NDRG1: variants seen among roughly 807,000 people sequenced by gnomAD.
NDRG1 encodes protein NDRG1.
NDRG1 carries 32 observed loss-of-function variants against 56.9 expected under a neutral mutation model. The ratio of observed to expected loss-of-function variants is 0.56; its 90% CI spans 0.42 to 0.76. The LOEUF (loss-of-function observed/expected upper bound fraction) is 0.76, where lower values mean the gene tolerates loss of function less well. Among genes scored for constraint, NDRG1 ranks in the 30% least tolerant of loss-of-function variants. The pLI is 0.00. For missense variants in NDRG1, 507 were observed against 545.7 expected, an observed-to-expected ratio of 0.93 and a Z score of 0.71; for synonymous variants, 211 against 204.1, an observed-to-expected ratio of 1.03 and a Z score of -0.29.
chr8:133,289,708 A>AG (rs1858324814), intron 1 of NDRG1, among the ~76,000 whole-genome samples: 1 of 152,188 alleles, frequency 6.6e-6, no homozygotes, highest in Admixed American at 6.5e-5. Flanking sequence ...CAGTGGGCAG[A>AG]GGCATCTTCA....
At chr8:133,271,244 C>A (rs1857172081) in intron 3 of NDRG1, among the ~76,000 whole-genome samples, 1 of 152,150 alleles carries the variant, frequency 6.6e-6, no homozygotes, top group Non-Finnish European at 1.5e-5. Context: ...CTCAGTCTAG[C>A]AAGTGGGGTC....
At chr8:133,259,113 T>C (rs556708645) in intron 6 of NDRG1, 55 bp downstream of exon 6, 3 of 1,574,150 alleles carry the variant, frequency 1.9e-6, no homozygotes, top group Admixed American at 3.3e-5. Context: ...GGCAGGAAGA[T>C]GCTAGAAACC....
chr8:133,265,051 T>TG, intron 3 of NDRG1: 2 of 298,676 alleles, frequency 6.7e-6, no homozygotes, highest in South Asian at 6.6e-5. Flanking sequence ...TCTGCTGGCT[T>TG]GGGGCTACAC....
intron 3 of NDRG1, among the ~76,000 whole-genome samples, chr8:133,275,989 C>G (rs1177017019): frequency 1.3e-5 from 2 of 152,240 alleles, no homozygotes; most frequent in African/African-American, 4.8e-5. Context: ...AGCACCTAAA[C>G]TAATGCCAGG....
rs1857927678 is a variant in NDRG1 at position 133,283,482 on chromosome 8, C to T, written c.63+767G>A. On this transcript the variant is annotated intron_variant, in intron 2 of 15. Transcript: ENST00000323851. ...TCATCTTCAGAACAATCAGCCCAGG[C>T]TGGGCCCTGCCAGCCCAGCCTATAG... Among the ~76,000 whole-genome samples, 4 of 147,980 alleles carry T rather than the reference C, an allele frequency of 2.7e-5. No homozygotes were observed. In the South Asian group the frequency reaches 8.3e-4, roughly 31 times the overall value.
intron 3 of NDRG1, among the ~76,000 whole-genome samples, chr8:133,267,032 A>ACCTCCC (rs1856955012): frequency 6.6e-6 from 1 of 151,670 alleles, no homozygotes; most frequent in South Asian, 2.1e-4. Flanking sequence ...AGAACTCACC[A>ACCTCCC]CCTCCCCCTC....
chr8:133,248,113 T>G (rs1564282792), intron 11 of NDRG1, among the ~76,000 whole-genome samples, 187 bp from the exon 12 acceptor site: 1 of 152,212 alleles, frequency 6.6e-6, no homozygotes, highest in Non-Finnish European at 1.5e-5. Context: ...ATTCACAACT[T>G]AGTATGAATT....
In NDRG1 at chr8:133,273,780, T is replaced by TTG. The variant is rs1191272135; in HGVS notation, c.99+6451_99+6452insCA. Reference sequence around the variant, plus strand: ...CCCTGAGACAATGAGTATGCAAATATTCATTCTTCCTCCTCTTCCCTCCCC... The same window carrying TTG: ...CCCTGAGACAATGAGTATGCAAATATTGTCATTCTTCCTCCTCTTCCCTCCCC... On this transcript the variant is annotated intron_variant, in intron 3 of 15. Transcript: ENST00000323851. 5.3e-5 allele frequency among the ~76,000 whole-genome samples: 8 copies of TTG among 152,292 alleles called. No homozygotes were observed. In the South Asian group the frequency reaches 1.7e-3, roughly 32 times the overall value.
At chr8:133,272,346 C>T (rs549414906) in intron 3 of NDRG1, among the ~76,000 whole-genome samples, 12 of 152,266 alleles carry the variant, frequency 7.9e-5, no homozygotes, top group Non-Finnish European at 1.5e-4. Context: ...CAGGGGAGGG[C>T]GACAAAGACC....
chr8:133,261,422 T>C (rs763767147), intron 5 of NDRG1, among the ~76,000 whole-genome samples: 4 of 152,042 alleles, frequency 2.6e-5, no homozygotes, highest in Admixed American at 6.6e-5. Flanking sequence ...TGAACCACCA[T>C]GCCCGGCCTC....
intron 1 of NDRG1, among the ~76,000 whole-genome samples, chr8:133,287,914 CT>C (rs1858209105): frequency 6.6e-6 from 1 of 152,088 alleles, no homozygotes. Context: ...TGGATGCATT[CT>C]TATTTAATCT....
chr8:133,278,719 C>T (rs888616796), intron 3 of NDRG1, among the ~76,000 whole-genome samples: 9 of 152,050 alleles, frequency 5.9e-5, no homozygotes, highest in African/African-American at 2.2e-4. Flanking sequence ...AAGCTCTCAG[C>T]ACAGCACCTG....
intron 5 of NDRG1, 88 bp from the exon 6 acceptor site, chr8:133,259,318 G>A: frequency 3.0e-6 from 4 of 1,349,512 alleles, no homozygotes; most frequent in Middle Eastern, 4.4e-4. Flanking sequence ...TGGGGACCAT[G>A]CAGCAGCCTG....
chr8:133,238,930 G>A lies in NDRG1; in HGVS notation c.1133C>T (p.Ser378Leu), dbSNP rs373815729. 9 of 1,566,370 alleles carry A rather than the reference G, an allele frequency of 5.7e-6. No homozygotes were observed. Among genetic ancestry groups the A allele is most frequent in the South Asian group, 3.5e-5 (3 of 85,242 alleles). The change falls in exon 16 of 16, where the codon TCG (serine) becomes TTG (leucine). Residue 378 changes from serine (S) to leucine (L), a missense_variant. Coordinates refer to ENST00000323851, the MANE Select transcript of NDRG1 (RefSeq NM_006096.4). ...CCCGGCGCTGTTCCCAGCAGCACCC[G>A]AGTTGGGGGTGATGTCCAGGTGGGC... ...EGAHLDITPN[S>L]GAAGNSAGPK...
intron 5 of NDRG1, among the ~76,000 whole-genome samples, chr8:133,260,988 C>T (rs1044851858): frequency 1.3e-5 from 2 of 152,140 alleles, no homozygotes; most frequent in African/African-American, 4.8e-5. Context: ...ATACAGATCA[C>T]GAGCTGACAA....
chr8:133,284,174 T>G, intron 2 of NDRG1, 75 bp downstream of exon 2: 249 of 1,383,362 alleles, frequency 1.8e-4, no homozygotes, highest in Non-Finnish European at 2.4e-4. Flanking sequence ...AGTACAAGTG[T>G]GAGCTCCGGT....
intron 15 of NDRG1, 37 bp downstream of exon 15, chr8:133,241,986 G>T: frequency 6.2e-7 from 1 of 1,611,836 alleles, no homozygotes; most frequent in Non-Finnish European, 8.5e-7. Context: ...TCCGACACAT[G>T]CCCCGACCCA....
In NDRG1 at chr8:133,238,954, G is replaced by GC; in HGVS notation, c.1108dup (p.Ala370GlyfsTer62). 6.3e-7 allele frequency: 1 copy of GC among 1,577,052 alleles called. No homozygotes were observed. The highest frequency in any genetic ancestry group is 8.6e-7 in the Non-Finnish European group (1 of 1,162,478). ...CGAGTTGGGGGTGATGTCCAGGTGGGCCCCCTCGCTGGTGTGCGAGCGGCT... is the reference window on the plus strand; with the variant it reads ...CGAGTTGGGGGTGATGTCCAGGTGGGCCCCCCTCGCTGGTGTGCGAGCGGCT... On this transcript the variant is annotated frameshift_variant, in exon 16 of 16. Transcript: ENST00000323851. LOFTEE classifies it high-confidence loss of function.
At chr8:133,255,503 C>T (rs566576907) in intron 8 of NDRG1, 14 of 402,882 alleles carry the variant, frequency 3.5e-5, no homozygotes, top group African/African-American at 2.3e-4. Flanking sequence ...AGCCAGTGGT[C>T]GACATCCCCA....
Sources: allele counts gnomAD v4.1 joint callset (sites outside exome capture counted in the v4.1 genomes callset), GRCh38; gene constraint gnomAD v4.1.1; transcripts MANE v1.5; gene names NCBI Gene and HGNC (gene_info 2026-07-23, HGNC 2026-07-21).